ERC2: variants seen among roughly 807,000 people sequenced by gnomAD.
ERC2 encodes the protein ERC protein 2.
In ERC2, 42 loss-of-function variants were observed where a neutral mutation model predicts 114.8. The ratio of observed to expected loss-of-function variants is 0.37; its 90% confidence interval spans 0.29 to 0.47. The LOEUF is 0.47. Among genes scored for constraint, ERC2 ranks in the 20% least tolerant of loss-of-function variants. ERC2 has a pLI of 0.99. For missense variants in ERC2, 939 were observed against 1,150.7 expected (o/e 0.82, Z 2.66); for synonymous variants, 454 against 425.5 (o/e 1.07, Z -0.82).
At chr3:55,552,229 C>A (rs761746755) in intron 17 of ERC2, among the ~76,000 whole-genome samples, 1 of 152,156 alleles carries the variant, frequency 6.6e-6, no homozygotes, top group African/African-American at 2.4e-5. Context: ...TTCCTCTATG[C>A]CCCAGCCACG....
chr3:55,606,712 C>T (rs1184675533), intron 17 of ERC2: 1 of 152,338 alleles, frequency 6.6e-6, no homozygotes, highest in Non-Finnish European at 1.5e-5. Context: ...TATGCAGAGT[C>T]TCTCTGAAAC....
chr3:56,309,535 C>A (rs563371202), intron 2 of ERC2, among the ~76,000 whole-genome samples: 1 of 152,326 alleles, frequency 6.6e-6, no homozygotes, highest in South Asian at 2.1e-4. Context: ...GGAAAAATCA[C>A]TAAACTTGTC....
chr3:55,944,409 T>C (rs1166280330), intron 13 of ERC2, among the ~76,000 whole-genome samples: 1 of 152,194 alleles, frequency 6.6e-6, no homozygotes, highest in Non-Finnish European at 1.5e-5. Context: ...ATATATTGTG[T>C]TTGTACAGAA....
At chr3:55,535,273 G>A (rs2053927220) in intron 17 of ERC2, among the ~76,000 whole-genome samples, 1 of 152,204 alleles carries the variant, frequency 6.6e-6, no homozygotes, top group South Asian at 2.1e-4. Context: ...TGGAAAGCAG[G>A]AAACTACTGT....
chr3:55,727,944 C>G (rs1441137328), intron 15 of ERC2, among the ~76,000 whole-genome samples: 1 of 152,138 alleles, frequency 6.6e-6, no homozygotes, highest in Non-Finnish European at 1.5e-5. Context: ...ATTTTGTGGT[C>G]ATCAGTTGAC....
Position 56,245,922 on chromosome 3 carries a change from A to T in ERC2, c.1074+50097T>A, listed in dbSNP as rs180705607. On this transcript the variant is annotated intron_variant, in intron 3 of 17. Transcript: ENST00000288221. ...GAGATAGCTCCAGACATGGCAGTAG[A>T]TACATACCTTTTAGCAGCTTAATCC... Among the ~76,000 whole-genome samples the T allele has an allele frequency of 1.9e-3, 295 of 152,174 alleles. 1 individual carries two copies. The highest frequency in any genetic ancestry group is 6.9e-3 in the African/African-American group (286 of 41,516).
At chr3:56,326,140 A>T (rs1366201457) in intron 2 of ERC2, among the ~76,000 whole-genome samples, 1 of 152,222 alleles carries the variant, frequency 6.6e-6, no homozygotes, top group African/African-American at 2.4e-5. Flanking sequence ...TTAGAATTGG[A>T]AACTGAGAGG....
intron 2 of ERC2, among the ~76,000 whole-genome samples, chr3:56,299,135 G>GTTTTTTTTT (rs2055682398): frequency 1.5e-5 from 1 of 66,452 alleles, no homozygotes; most frequent in African/African-American, 6.7e-5. Context: ...TTTTTTGTTT[G>GTTTTTTTTT]TTTGTTTTTT....
chr3:55,630,943 A>G (rs941484247), intron 17 of ERC2, among the ~76,000 whole-genome samples: 4 of 147,678 alleles, frequency 2.7e-5, no homozygotes, highest in African/African-American at 1.0e-4. Flanking sequence ...CATGGCAGTA[A>G]TGATCAGTTT....
At chr3:56,380,162 T>G (rs1039797608) in intron 2 of ERC2, among the ~76,000 whole-genome samples, 23 of 152,006 alleles carry the variant, frequency 1.5e-4, no homozygotes, top group African/African-American at 5.1e-4. Context: ...TCAATCTGAG[T>G]GTTTCATATA....
intron 15 of ERC2, among the ~76,000 whole-genome samples, chr3:55,733,464 TCA>T (rs60980671): frequency 0.02 from 2,686 of 133,996 alleles, 110 homozygotes; most frequent in African/African-American, 0.068. Context: ...TCTCTCTCTC[TCA>T]CACACACACA....
At chr3:56,215,197 C>T (rs1015979519) in intron 3 of ERC2, among the ~76,000 whole-genome samples, 1 of 152,098 alleles carries the variant, frequency 6.6e-6, no homozygotes, top group South Asian at 2.1e-4. Context: ...CACAGACTGG[C>T]AAATTGGATA....
At chr3:55,988,460 C>G (rs1321891456) in intron 11 of ERC2, among the ~76,000 whole-genome samples, 1 of 152,184 alleles carries the variant, frequency 6.6e-6, no homozygotes, top group Non-Finnish European at 1.5e-5. Flanking sequence ...ACACCACGCA[C>G]ATGGAATTTA....
chr3:55,830,384 A>G (rs1452622546), intron 14 of ERC2, among the ~76,000 whole-genome samples: 1 of 152,244 alleles, frequency 6.6e-6, no homozygotes, highest in South Asian at 2.1e-4. Flanking sequence ...GACATTCAAC[A>G]GCAACTGCAA....
At chr3:55,770,737 G>A (rs1207905156) in intron 14 of ERC2, among the ~76,000 whole-genome samples, 2 of 152,116 alleles carry the variant, frequency 1.3e-5, no homozygotes, top group Non-Finnish European at 2.9e-5. Context: ...ATGGTGGTTT[G>A]CTGCACCCCT....
chr3:56,382,754 C>A (rs2106741742), intron 2 of ERC2, among the ~76,000 whole-genome samples: 1 of 152,054 alleles, frequency 6.6e-6, no homozygotes, highest in East Asian at 1.9e-4. Context: ...TTATACTCAC[C>A]TTTTTCATGA....
chr3:55,799,165 T>A (rs181854715), intron 14 of ERC2, among the ~76,000 whole-genome samples: 1 of 151,888 alleles, frequency 6.6e-6, no homozygotes, highest in Non-Finnish European at 1.5e-5. Flanking sequence ...GCAACCACCA[T>A]GGCTCAATGT....
At chr3:56,389,830 C>T (rs906032720) in intron 2 of ERC2, among the ~76,000 whole-genome samples, 5 of 152,070 alleles carry the variant, frequency 3.3e-5, no homozygotes, top group South Asian at 2.1e-4. Flanking sequence ...TTGAAGAACC[C>T]GGCAGGAATC....
chr3:56,305,152 T>TCAGCA (rs1389347793), intron 2 of ERC2, among the ~76,000 whole-genome samples: 7 of 151,914 alleles, frequency 4.6e-5, no homozygotes, highest in African/African-American at 1.7e-4. Flanking sequence ...GCACAAAAAA[T>TCAGCA]GTAGCCATAA....
Sources: allele counts gnomAD v4.1 joint callset (sites outside exome capture counted in the v4.1 genomes callset), GRCh38; gene constraint gnomAD v4.1.1; transcripts MANE v1.5; gene names NCBI Gene and HGNC (gene_info 2026-07-23, HGNC 2026-07-21).